Variants in COL6A1 observed in about 807,000 individuals in gnomAD.
The protein encoded by COL6A1 is collagen alpha-1(VI) chain.
In COL6A1, 80 loss-of-function variants were observed where a neutral mutation model predicts 145.6. The observed-to-expected ratio is 0.55, with a 90% confidence interval of 0.46 to 0.66. The LOEUF (loss-of-function observed/expected upper bound fraction) is 0.66. Among genes scored for constraint, COL6A1 ranks in the 30% least tolerant of loss-of-function variants. The probability of loss-of-function intolerance (pLI) is 0.00; values close to 1 mark genes in which losing one functional copy is unlikely to be tolerated. For synonymous variants in COL6A1, 638 were observed against 622.8 expected (o/e 1.02, Z -0.36); for missense variants, 1,364 against 1,473.8 (o/e 0.93, Z 1.22).
chr21:45,998,625 C>T (rs1361215208), intron 24 of COL6A1, among the ~76,000 whole-genome samples, 192 bp downstream of exon 24: 1 of 152,206 alleles, frequency 6.6e-6, no homozygotes, highest in Non-Finnish European at 1.5e-5. Context: ...CTGCGAGGCT[C>T]CCACTGTGGT....
chr21:45,987,691 G>T, intron 8 of COL6A1, 37 bp downstream of exon 8: 1 of 1,589,792 alleles, frequency 6.3e-7, no homozygotes, highest in Non-Finnish European at 8.6e-7. Context: ...TGTGTTGTGG[G>T]GCCTGGGAGT....
intron 27 of COL6A1, 80 bp from the exon 28 acceptor site, chr21:46,000,251 G>T: frequency 6.4e-7 from 1 of 1,572,684 alleles, no homozygotes; most frequent in South Asian, 1.1e-5. Flanking sequence ...CAGGGAGGGT[G>T]ACCTGGAGAT....
Position 46,000,993 on chromosome 21 carries a change from T to TG in COL6A1, c.1822+233dup, listed in dbSNP as rs970167975. 2.2e-4 allele frequency: 156 copies of TG among 708,114 alleles called. 1 individual carries two copies. Among genetic ancestry groups the TG allele is most frequent in the African/African-American group, 2.3e-4 (13 of 56,726 alleles). 43.9% of individuals were successfully genotyped at this position (708,114 alleles called of 1,614,324 possible). A position where few individuals can be genotyped will look rare whatever the true frequency, so the allele number is the denominator to read the frequency against. Reference sequence around the variant, plus strand: ...TAACTGAAATAACCAGGAGCAGGCTTGGGGGGGTCCCTGCTCCATCATTCT... The same window carrying TG: ...TAACTGAAATAACCAGGAGCAGGCTTGGGGGGGGTCCCTGCTCCATCATTCT... On this transcript the variant is annotated intron_variant, in intron 29 of 34. Coordinates refer to ENST00000361866, the MANE Select transcript of COL6A1 (RefSeq NM_001848.3).
chr21:45,985,461 G>A (rs35454297), intron 3 of COL6A1, among the ~76,000 whole-genome samples: 26,450 of 152,106 alleles, frequency 0.17, 3,899 homozygotes, highest in African/African-American at 0.4. Context: ...TGAGAGAGAC[G>A]GGGTGGTTTT....
intron 29 of COL6A1, 148 bp downstream of exon 29, chr21:46,000,915 C>T: frequency 4.8e-6 from 5 of 1,042,886 alleles, no homozygotes; most frequent in South Asian, 3.8e-5. Flanking sequence ...GGGGCCTGCT[C>T]CAAGCCAGCA....
chr21:45,982,868 T>C, intron 2 of COL6A1, 105 bp downstream of exon 2: 1 of 1,525,050 alleles, frequency 6.6e-7, no homozygotes, highest in Admixed American at 1.7e-5. Context: ...CCTCCTAAGG[T>C]TGGGCGAGCG....
chr21:46,000,795 G>A, intron 29 of COL6A1, 28 bp downstream of exon 29: 1 of 1,613,728 alleles, frequency 6.2e-7, no homozygotes. Flanking sequence ...GCTCCTGAGA[G>A]AATGGATCCC....
In COL6A1 at chr21:46,003,191, C is replaced by T. The variant is rs201528022; in HGVS notation, c.2464+42C>T. ...CCGGGACACGTGGGGAGGAGGGCAC[C>T]GTGGTTGGGGCGAGGGCTCTGAGAG... On this transcript the variant is annotated intron_variant, in intron 34 of 34. Coordinates refer to ENST00000361866, the MANE Select transcript of COL6A1 (RefSeq NM_001848.3). 4.6e-5 allele frequency: 74 copies of T among 1,613,598 alleles called. 1 individual carries two copies. In the South Asian group the frequency reaches 6.2e-4, roughly 13 times the overall value.
rs2077856515 is a variant in COL6A1, at chr21:46,002,848, C to T, written c.2434+138C>T. ...CTGCGTAGGTGCACGCGGGGCCGCC[C>T]AGGGCCGTCCCAGATCTGTGTAGGT... On this transcript the variant is annotated intron_variant, in intron 33 of 34. Coordinates refer to ENST00000361866, the MANE Select transcript of COL6A1 (RefSeq NM_001848.3). The T allele has an allele frequency of 6.7e-6, 8 of 1,194,666 alleles. No homozygotes were observed. In the South Asian group the frequency reaches 1.1e-4, roughly 16 times the overall value. 74.0% of individuals were successfully genotyped at this position (1,194,666 alleles called of 1,614,324 possible).
Position 46,002,630 on chromosome 21 carries a change from G to C in COL6A1, c.2354G>C (p.Gly785Ala). 6.2e-7 allele frequency: 1 copy of C among 1,614,082 alleles called. No homozygotes were observed. The highest frequency in any genetic ancestry group is 8.5e-7 in the Non-Finnish European group (1 of 1,180,008). The part of the protein sequence containing the change: ...QGLAPSQGRP[G>A]LSLVKENYAE... ...CTGGCACCATCCCAGGGCCGGCCCGGCCTCTCGCTGGTCAAGGAGAACTAT... is the reference window on the plus strand; with the variant it reads ...CTGGCACCATCCCAGGGCCGGCCCGCCCTCTCGCTGGTCAAGGAGAACTAT... The change falls in exon 33 of 35, where the codon GGC becomes GCC. Residue 785 changes from glycine (G) to alanine (A), a missense_variant. Around this residue, in one of 3 missense-constraint regions of COL6A1, gnomAD observed 938 missense variants for 1,003.8 expected, o/e 0.93. Transcript: ENST00000361866.
At chr21:46,002,958 C>G (rs558672269) in intron 33 of COL6A1, among the ~76,000 whole-genome samples, 162 bp from the exon 34 acceptor site, 2 of 151,040 alleles carry the variant, frequency 1.3e-5, no homozygotes, top group African/African-American at 4.9e-5. Flanking sequence ...TAGGTGCGCA[C>G]GGGGCCGCCT....
At chr21:45,985,361 CAGAG>C (rs919315734) in intron 3 of COL6A1, among the ~76,000 whole-genome samples, 3 of 149,726 alleles carry the variant, frequency 2.0e-5, no homozygotes, top group East Asian at 2.0e-4. Flanking sequence ...GGCAGAGAGA[CAGAG>C]AGAGAAGCAC....
rs1556424938 is a variant in COL6A1, at chr21:45,986,638, C to T, written c.541C>T (p.His181Tyr). The stretch of plus-strand genomic sequence containing the variant: ...GGAGGATGCTGTGAACGAGGCCAAG[C>T]ACCTGGGCGTCAAAGTCTTCTCGGT... ...GLEDAVNEAK[H>Y]LGVKVFSVAI... The change falls in exon 4 of 35, where the codon CAC becomes TAC. Residue 181 changes from histidine (H) to tyrosine (Y), a missense_variant. His to Tyr is a moderately conservative substitution (Grantham distance 83). This residue lies in a region of COL6A1 where 414 missense variants were observed against 437.6 expected (regional missense o/e 0.95). Coordinates refer to ENST00000361866, the MANE Select transcript of COL6A1 (RefSeq NM_001848.3). 3.2e-6 allele frequency: 5 copies of T among 1,552,620 alleles called. No homozygotes were observed. The highest frequency in any genetic ancestry group is 4.4e-6 in the Non-Finnish European group (5 of 1,148,238).
chr21:45,985,769 C>T (rs1170904755), intron 3 of COL6A1, among the ~76,000 whole-genome samples: 1 of 152,260 alleles, frequency 6.6e-6, no homozygotes, highest in East Asian at 1.9e-4. Flanking sequence ...CAGAGGGCCA[C>T]ATGGCCGGTG....
chr21:46,000,468 C>T (rs936110591), intron 28 of COL6A1, 101 bp downstream of exon 28: 15 of 1,412,626 alleles, frequency 1.1e-5, no homozygotes, highest in Non-Finnish European at 1.5e-5. Flanking sequence ...GGGCCTGGGT[C>T]TCTGGGTACA....
At chr21:45,989,861 A>G in intron 11 of COL6A1, 83 bp downstream of exon 11, 1 of 1,566,922 alleles carries the variant, frequency 6.4e-7, no homozygotes, top group Middle Eastern at 1.8e-4. Context: ...GGATGAGGAC[A>G]GTGTCCCTGA....
rs368424361 is a variant in COL6A1 at position 46,000,388 on chromosome 21, G to A, written c.1813+21G>A. 5.6e-5 allele frequency: 91 copies of A among 1,613,564 alleles called. No homozygotes were observed. In the African/African-American group the frequency reaches 7.7e-4, roughly 14 times the overall value. ...GTGCTGTGAGTATCTCTGAGAAGCC[G>A]TCCTCGTTAGGGAGAGCAGGGCCGC... On this transcript the variant is annotated intron_variant, in intron 28 of 34. Coordinates refer to ENST00000361866, the MANE Select transcript of COL6A1 (RefSeq NM_001848.3).
At chr21:45,997,558 C>A in intron 21 of COL6A1, 75 bp downstream of exon 21, 1 of 1,555,694 alleles carries the variant, frequency 6.4e-7, no homozygotes, top group Non-Finnish European at 8.8e-7. Flanking sequence ...CTGCCCAGTG[C>A]TGGCCCCGTG....
At position 46,003,968 on chromosome 21, in the gene COL6A1, C is replaced by T. The variant is rs774945067; in HGVS notation, c.3042C>T (p.Arg1014=). 9.9e-6 allele frequency: 16 copies of T among 1,612,944 alleles called. No individual in the cohort carries two copies. Among genetic ancestry groups the T allele is most frequent in the African/African-American group, 4.0e-5 (3 of 74,956 alleles). ...TCCCCAGCTACCAGGCCCTGCTCCG[C>T]GGTGTCTTCCACCAGACAGTCTCCA... The part of the protein sequence containing the change: ...FRVPSYQALL[R]GVFHQTVSRK... The change falls in exon 35 of 35, where the codon CGC becomes CGT. Residue 1014 remains arginine, a synonymous_variant. Coordinates refer to ENST00000361866, the MANE Select transcript of COL6A1 (RefSeq NM_001848.3).
Sources: gnomAD v4.1 joint callset for allele counts (sites outside exome capture counted in the v4.1 genomes callset) on GRCh38, gnomAD v4.1.1 for gene constraint, gnomAD v4.1.1 regional missense constraint, MANE v1.5 for transcripts, NCBI Gene and HGNC (gene_info 2026-07-23, HGNC 2026-07-21) for gene names.